The following GSK3B variants were observed in gnomAD, a reference collection of about 807,000 sequenced individuals.
The protein encoded by GSK3B is glycogen synthase kinase 3 beta.
A neutral mutation model predicts 56.4 loss-of-function variants in GSK3B; 15 were observed. The observed-to-expected ratio is 0.27, with a 90% CI of 0.18 to 0.41. The LOEUF (loss-of-function observed/expected upper bound fraction) is 0.41. Among genes scored for constraint, GSK3B ranks in the 10% least tolerant of loss-of-function variants. The pLI is 1.00. For missense variants in GSK3B, 300 were observed against 513.4 expected (o/e 0.58, Z 4.02); for synonymous variants, 181 against 188.9 (o/e 0.96, Z 0.34).
chr3:120,061,541 T>C (rs2107552796), intron 1 of GSK3B, among the ~76,000 whole-genome samples: 1 of 152,318 alleles, frequency 6.6e-6, no homozygotes, highest in South Asian at 2.1e-4. Context: ...ATAAATGTAA[T>C]GTCTGGCACA....
chr3:119,864,203 G>A (rs1381960128), intron 8 of GSK3B, among the ~76,000 whole-genome samples: 1 of 152,092 alleles, frequency 6.6e-6, no homozygotes, highest in Non-Finnish European at 1.5e-5. Context: ...TACCATGAAT[G>A]TGGCCAGATT....
chr3:119,863,505 T>C lies in GSK3B; in HGVS notation c.1010A>G (p.His337Arg), dbSNP rs750723548. 6.2e-7 allele frequency: 1 copy of C among 1,613,856 alleles called. No homozygotes were observed. Among genetic ancestry groups the C allele is most frequent in the Non-Finnish European group, 8.5e-7 (1 of 1,179,720 alleles). ...ARLTPLEACA[H>R]SFFDELRDPN... Reference sequence around the variant, plus strand: ...GTCCCGTAATTCATCAAAAAATGAATGTGCACAAGCTTCCAGTGGTGTTAG... The same window carrying C: ...GTCCCGTAATTCATCAAAAAATGAACGTGCACAAGCTTCCAGTGGTGTTAG... The change falls in exon 9 of 11, where the codon CAT becomes CGT. Residue 337 changes from histidine (H) to arginine (R), a missense_variant. His to Arg is a conservative substitution (Grantham distance 29, BLOSUM62 0). This residue lies in a region of GSK3B where 38 missense variants were observed against 58.3 expected (regional missense o/e 0.65). Coordinates refer to ENST00000264235, the MANE Select transcript of GSK3B (RefSeq NM_001146156.2).
At chr3:119,881,617 G>A (rs2056380190) in intron 7 of GSK3B, among the ~76,000 whole-genome samples, 1 of 152,122 alleles carries the variant, frequency 6.6e-6, no homozygotes, top group Admixed American at 6.5e-5. Context: ...ATGTCCATTA[G>A]TAAATGTATC....
intron 5 of GSK3B, among the ~76,000 whole-genome samples, chr3:119,913,110 C>T (rs966562796): frequency 6.6e-5 from 10 of 151,998 alleles, no homozygotes; most frequent in African/African-American, 2.4e-4. Flanking sequence ...CCCCAAATTC[C>T]ACCTCTAAAA....
rs192395587 is a variant in GSK3B, at chr3:119,828,678, T to C, written c.1196-1823A>G. 1.2e-3 allele frequency among the ~76,000 whole-genome samples: 181 copies of C among 152,320 alleles called. 1 individual carries two copies. Among genetic ancestry groups the C allele is most frequent in the African/African-American group, 3.8e-3 (157 of 41,572 alleles). The stretch of plus-strand genomic sequence containing the variant: ...GAGACACAGAATATCCAAGGACACA[T>C]AGGGAACTCTATGATGGATTAGCTG... On this transcript the variant is annotated intron_variant, in intron 10 of 10. Coordinates refer to ENST00000264235, the MANE Select transcript of GSK3B (RefSeq NM_001146156.2).
intron 6 of GSK3B, among the ~76,000 whole-genome samples, 155 bp downstream of exon 6, chr3:119,912,549 G>A (rs2056745183): frequency 6.6e-6 from 1 of 150,898 alleles, no homozygotes; most frequent in Non-Finnish European, 1.5e-5. Flanking sequence ...AATGAGGTAT[G>A]CCTATACATG....
Position 120,002,154 on chromosome 3 carries a change from G to A in GSK3B, c.174C>T (p.Asp58=). 1 of 1,611,764 alleles carries A rather than the reference G, an allele frequency of 6.2e-7. No homozygotes were observed. The highest frequency in any genetic ancestry group is 8.5e-7 in the Non-Finnish European group (1 of 1,178,764). The stretch of plus-strand genomic sequence containing the variant: ...ATGATCCATTTCCAATCACTTTAGT[G>A]TCTGTATAGCTGACTTCTTGTGGCC... ...PDRPQEVSYT[D]TKVIGNGSFG... Residue 58 remains aspartate (D), a synonymous_variant, in exon 2 of 11, where the codon GAC becomes GAT. Transcript: ENST00000264235.
intron 7 of GSK3B, among the ~76,000 whole-genome samples, chr3:119,889,849 G>A (rs947320473): frequency 6.6e-6 from 1 of 152,078 alleles, no homozygotes; most frequent in Non-Finnish European, 1.5e-5. Flanking sequence ...AATGCAAGAA[G>A]TTATACCATG....
At chr3:120,071,445 C>T (rs765318893) in intron 1 of GSK3B, among the ~76,000 whole-genome samples, 2 of 152,184 alleles carry the variant, frequency 1.3e-5, no homozygotes, top group African/African-American at 2.4e-5. Flanking sequence ...AGGCTTCATC[C>T]GTATTTACAG....
intron 9 of GSK3B, among the ~76,000 whole-genome samples, chr3:119,857,122 T>C (rs1161901984): frequency 6.6e-6 from 1 of 152,218 alleles, no homozygotes; most frequent in Admixed American, 6.5e-5. Flanking sequence ...CTGCGAGTCA[T>C]CTTTTGTGGG....
intron 3 of GSK3B, among the ~76,000 whole-genome samples, chr3:119,931,191 G>A (rs1444434871): frequency 6.6e-6 from 1 of 152,178 alleles, no homozygotes; most frequent in Non-Finnish European, 1.5e-5. Flanking sequence ...AATATTTTGA[G>A]AAGACCAGGA....
intron 1 of GSK3B, among the ~76,000 whole-genome samples, chr3:120,089,973 A>G (rs920529421): frequency 8.5e-5 from 13 of 152,148 alleles, no homozygotes; most frequent in Non-Finnish European, 8.8e-5. Context: ...TATAAAATCA[A>G]CTTTTAATTT....
chr3:119,821,611 C>T lies in GSK3B; in HGVS notation c.*5177G>A, dbSNP rs2055409853. The T allele has an allele frequency of 6.6e-6, 1 of 152,224 alleles. No individual in the cohort carries two copies. Among genetic ancestry groups the T allele is most frequent in the Admixed American group, 6.5e-5 (1 of 15,276 alleles). The allele number at this position is 152,224 out of a possible 1,614,324, so 9.4% of individuals were successfully genotyped here. ...AAAGTTAAAAGAAAATACAGCCACA[C>T]CAAATCATGAACACAGTAATCAAAG... is the stretch of plus-strand genomic sequence containing the variant. On this transcript the variant is annotated 3_prime_UTR_variant, in exon 11 of 11. Transcript: ENST00000264235.
intron 8 of GSK3B, chr3:119,866,737 G>C: frequency 2.8e-6 from 2 of 707,692 alleles, no homozygotes; most frequent in African/African-American, 1.8e-5. Flanking sequence ...CATGGTGTGG[G>C]GGGGGACATA....
At position 119,843,451 on chromosome 3, in the gene GSK3B, T is replaced by C; in HGVS notation, c.1097-98A>G. 4 of 603,940 alleles carry C rather than the reference T, an allele frequency of 6.6e-6. No individual in the cohort carries two copies. The South Asian group carries it at 6.9e-5, about 10-fold the overall frequency. The allele number at this position is 603,940 out of a possible 1,614,324, so 37.4% of individuals were successfully genotyped here. Reference sequence around the variant, plus strand: ...GTGAAAATAAGATTCTGCATTAAACTACCAGTTTATGCCGGGCGCAGTGGC... The same window carrying C: ...GTGAAAATAAGATTCTGCATTAAACCACCAGTTTATGCCGGGCGCAGTGGC... On this transcript the variant is annotated intron_variant, in intron 9 of 10. Transcript: ENST00000264235.
intron 1 of GSK3B, among the ~76,000 whole-genome samples, chr3:120,036,198 T>C (rs1454495423): frequency 6.6e-6 from 1 of 152,230 alleles, no homozygotes; most frequent in Admixed American, 6.5e-5. Flanking sequence ...AACATATCTA[T>C]AGTCTACATA....
At chr3:120,091,997 G>A (rs1206794344) in intron 1 of GSK3B, among the ~76,000 whole-genome samples, 1 of 152,030 alleles carries the variant, frequency 6.6e-6, no homozygotes, top group African/African-American at 2.4e-5. Context: ...CATGTTTTGC[G>A]TGTGTGTGGG....
At chr3:119,903,488 ATAAGCACT>A (rs2056646349) in intron 7 of GSK3B, among the ~76,000 whole-genome samples, 3 of 152,188 alleles carry the variant, frequency 2.0e-5, no homozygotes, top group Admixed American at 6.5e-5. Context: ...TTTGGAAAAA[ATAAGCACT>A]TAATGAAAAT....
chr3:119,860,337 GTT>G (rs2056085966), intron 9 of GSK3B, among the ~76,000 whole-genome samples: 1 of 152,158 alleles, frequency 6.6e-6, no homozygotes, highest in Non-Finnish European at 1.5e-5. Flanking sequence ...TGTGCCAAAG[GTT>G]TATTCCAATT....
Sources: gnomAD v4.1 joint callset for allele counts (sites outside exome capture counted in the v4.1 genomes callset) on GRCh38, gnomAD v4.1.1 for gene constraint, gnomAD v4.1.1 regional missense constraint, MANE v1.5 for transcripts, NCBI Gene and HGNC (gene_info 2026-07-23, HGNC 2026-07-21) for gene names.